The following OR5T1 variants were observed in gnomAD, a reference collection of about 807,000 sequenced individuals.
OR5T1 encodes olfactory receptor 5T1.
Under a neutral mutation model 10.1 loss-of-function variants are expected in OR5T1, and 14 were observed. The ratio of observed to expected loss-of-function variants is 1.39; its 90% CI spans 0.92 to 2.18. The LOEUF is 2.18. Ranked by LOEUF, OR5T1 falls within the 30% of genes most tolerant of loss-of-function variation. The probability of loss-of-function intolerance (pLI) is 0.00; values close to 1 mark genes in which losing one functional copy is unlikely to be tolerated. For synonymous variants in OR5T1, 166 were observed against 141.2 expected, an observed-to-expected ratio of 1.18 and a Z score of -1.24; for missense variants, 461 against 383.9, an observed-to-expected ratio of 1.20 and a Z score of -1.68.
At position 56,274,670 on chromosome 11, in the gene OR5T1, G is replaced by A. The variant is rs924563453; in HGVS notation, c.-237G>A. ...GTGAAACACAAAAGGAAAAATAAATGAAAAATGAACACCAAATTCTTTTGG... is the reference window on the plus strand; with the variant it reads ...GTGAAACACAAAAGGAAAAATAAATAAAAAATGAACACCAAATTCTTTTGG... On this transcript the variant is annotated 5_prime_UTR_variant, in exon 2 of 3. An upstream start codon of the reference 5' UTR is lost. Coordinates refer to ENST00000641665, the MANE Select transcript of OR5T1 (RefSeq NM_001004745.2). 6.6e-5 allele frequency: 10 copies of A among 151,188 alleles called. No individual in the cohort carries two copies. The highest frequency in any genetic ancestry group is 2.4e-4 in the African/African-American group (10 of 41,220). The allele number at this position is 151,188 out of a possible 1,614,324, so 9.4% of individuals were successfully genotyped here. A position where few individuals can be genotyped will look rare whatever the true frequency, so the allele number is the denominator to read the frequency against.
chr11:56,274,488 A>T (rs1299885070), intron 1 of OR5T1, 148 bp from the exon 2 acceptor site: 1 of 152,194 alleles, frequency 6.6e-6, no homozygotes, highest in Non-Finnish European at 1.5e-5. Context: ...TGTCACAAAA[A>T]TACACCCAAG....
Position 56,275,905 on chromosome 11 carries a change from C to T in OR5T1, c.267C>T (p.Val89=), listed in dbSNP as rs183679540. 43 of 1,614,142 alleles carry T rather than the reference C, an allele frequency of 2.7e-5. No homozygotes were observed. The highest frequency in any genetic ancestry group is 2.5e-4 in the Admixed American group (15 of 60,028). Residue 89 remains valine, a synonymous_variant, in exon 3 of 3, where the codon GTC becomes GTT. Transcript: ENST00000641665. ...TGGATGTCTGCTATTCTACAGTTGT[C>T]ACTCCAAAAATGTTGGTCAATTTCC... is the stretch of plus-strand genomic sequence containing the variant. ...SFLDVCYSTV[V]TPKMLVNFLA... is the part of the protein sequence containing the mutation.
intron 2 of OR5T1, among the ~76,000 whole-genome samples, chr11:56,275,211 C>T (rs7943801): frequency 1.3e-5 from 2 of 152,100 alleles, no homozygotes; most frequent in East Asian, 1.9e-4. Context: ...GTTTGCTGCA[C>T]GCATCAACCC....
chr11:56,275,636 A>G lies in OR5T1; in HGVS notation c.-3A>G. Reference sequence around the variant, plus strand: ...CATTTAGTACATATAAACAATAGCTAAAATGTCAGGGTTGCCTTCAGATAT... The same window carrying G: ...CATTTAGTACATATAAACAATAGCTGAAATGTCAGGGTTGCCTTCAGATAT... On this transcript the variant is annotated 5_prime_UTR_variant, in exon 3 of 3. Transcript: ENST00000641665. 6.4e-7 allele frequency: 1 copy of G among 1,554,232 alleles called. No individual in the cohort carries two copies. Among genetic ancestry groups the G allele is most frequent in the Non-Finnish European group, 8.7e-7 (1 of 1,155,428 alleles).
chr11:56,275,964 G>A lies in OR5T1; in HGVS notation c.326G>A (p.Cys109Tyr), dbSNP rs749730791. 3.1e-6 allele frequency: 5 copies of A among 1,614,150 alleles called. No homozygotes were observed. Among genetic ancestry groups the A allele is most frequent in the Middle Eastern group, 1.6e-4 (1 of 6,062 alleles). Residue 109 changes from cysteine to tyrosine, a missense_variant, in exon 3 of 3, where the codon TGT becomes TAT. Transcript: ENST00000641665. ...AKNKSISFLG[C>Y]ATQMFLACTF... ...AATAAATCTATTTCATTTCTTGGAT[G>A]TGCAACACAGATGTTTCTTGCTTGT...
At position 56,275,470 on chromosome 11, in the gene OR5T1, A is replaced by G; in HGVS notation, c.-153-16A>G. 1 of 490,816 alleles carries G rather than the reference A, an allele frequency of 2.0e-6. No homozygotes were observed. Among genetic ancestry groups the G allele is most frequent in the East Asian group, 3.2e-5 (1 of 31,580 alleles). 30.4% of individuals were successfully genotyped at this position (490,816 alleles called of 1,614,324 possible). A position where few individuals can be genotyped will look rare whatever the true frequency, so the allele number is the denominator to read the frequency against. The stretch of plus-strand genomic sequence containing the variant: ...ATGATTGAATAAAATAATTTATTTA[A>G]TTTATTTAATTACAGTAATGTATCC... On this transcript the variant is annotated splice_polypyrimidine_tract_variant and intron_variant, in intron 2 of 2. Coordinates refer to ENST00000641665, the MANE Select transcript of OR5T1 (RefSeq NM_001004745.2).
At position 56,275,606 on chromosome 11, in the gene OR5T1, T is replaced by A. The variant is rs779753084; in HGVS notation, c.-33T>A. ...TTGGATAAACTTAATTTTCACAGGC[T>A]GTTGCATTTAGTACATATAAACAAT... On this transcript the variant is annotated 5_prime_UTR_variant, in exon 3 of 3. Transcript: ENST00000641665. The A allele has an allele frequency of 6.7e-7, 1 of 1,494,396 alleles. No individual in the cohort carries two copies. Among genetic ancestry groups the A allele is most frequent in the Non-Finnish European group, 9.0e-7 (1 of 1,116,108 alleles). The allele number at this position is 1,494,396 out of a possible 1,614,324, so 92.6% of individuals were successfully genotyped here.
intron 2 of OR5T1, among the ~76,000 whole-genome samples, chr11:56,275,073 G>A (rs1040289636): frequency 1.3e-5 from 2 of 152,088 alleles, no homozygotes; most frequent in African/African-American, 4.8e-5. Context: ...AAGAATAGAT[G>A]GTAGTACATT....
At position 56,275,843 on chromosome 11, in the gene OR5T1, A is replaced by G. The variant is rs1461981127; in HGVS notation, c.205A>G (p.Ser69Gly). Reference sequence around the variant, plus strand: ...GATCATTGGGGATTTCTGGCTTCACAGCCCAATGTACTATTTTCTTGGTGT... The same window carrying G: ...GATCATTGGGGATTTCTGGCTTCACGGCCCAATGTACTATTTTCTTGGTGT... Reference protein sequence around the residue: ...VPIIGDFWLHSPMYYFLGVLS... With the variant: ...VPIIGDFWLHGPMYYFLGVLS... The change falls in exon 3 of 3, where the codon AGC becomes GGC. Residue 69 changes from serine (S) to glycine (G), a missense_variant. Coordinates refer to ENST00000641665, the MANE Select transcript of OR5T1 (RefSeq NM_001004745.2). 2 of 1,614,044 alleles carry G rather than the reference A, an allele frequency of 1.2e-6. No individual in the cohort carries two copies. Among genetic ancestry groups the G allele is most frequent in the African/African-American group, 1.3e-5 (1 of 75,046 alleles).
At position 56,275,726 on chromosome 11, in the gene OR5T1, A is replaced by G; in HGVS notation, c.88A>G (p.Thr30Ala). The G allele has an allele frequency of 6.2e-7, 1 of 1,610,268 alleles. No homozygotes were observed. Among genetic ancestry groups the G allele is most frequent in the Non-Finnish European group, 8.5e-7 (1 of 1,176,710 alleles). Residue 30 changes from threonine to alanine, a missense_variant, in exon 3 of 3, where the codon ACA becomes GCA. By Grantham distance (58) the Thr-to-Ala change is moderately conservative. Transcript: ENST00000641665. Reference protein sequence around the residue: ...EVTMFILISFTEEFDVQVFLF... With the variant: ...EVTMFILISFAEEFDVQVFLF... ...CACCATGTTTATATTAATAAGCTTCACAGAAGAATTTGATGTGCAAGTCTT... is the reference window on the plus strand; with the variant it reads ...CACCATGTTTATATTAATAAGCTTCGCAGAAGAATTTGATGTGCAAGTCTT...
rs539645989 is a variant in OR5T1, at chr11:56,275,591, T to C, written c.-48T>C. 2 of 1,460,738 alleles carry C rather than the reference T, an allele frequency of 1.4e-6. No individual in the cohort carries two copies. The highest frequency in any genetic ancestry group is 1.4e-5 in the South Asian group (1 of 71,118). 90.5% of individuals were successfully genotyped at this position (1,460,738 alleles called of 1,614,324 possible). On this transcript the variant is annotated 5_prime_UTR_variant, in exon 3 of 3. Coordinates refer to ENST00000641665, the MANE Select transcript of OR5T1 (RefSeq NM_001004745.2). ...AACATGAGGATATAATTGGATAAAC[T>C]TAATTTTCACAGGCTGTTGCATTTA...
At position 56,275,779 on chromosome 11, in the gene OR5T1, T is replaced by G. The variant is rs763049352; in HGVS notation, c.141T>G (p.Tyr47Ter). The G allele has an allele frequency of 1.2e-6, 2 of 1,613,022 alleles. No homozygotes were observed. The highest frequency in any genetic ancestry group is 2.2e-5 in the South Asian group (2 of 91,040). Residue 47 changes from tyrosine (Y) to a stop codon, truncating the protein, a stop_gained, in exon 3 of 3, where the codon TAT (tyrosine) becomes TAG (stop). Coordinates refer to ENST00000641665, the MANE Select transcript of OR5T1 (RefSeq NM_001004745.2). LOFTEE classifies it high-confidence loss of function. ...TATTTTTATTATTTTTAGCAATCTA[T>G]CTATTCACTCTAATAGGCAATTTAG... ...VFLFLLFLAI[Y>*]LFTLIGNLGL...
At position 56,276,684 on chromosome 11, in the gene OR5T1, T is replaced by A; in HGVS notation, c.*65T>A. 1 of 1,186,384 alleles carries A rather than the reference T, an allele frequency of 8.4e-7. No homozygotes were observed. The highest frequency in any genetic ancestry group is 1.5e-5 in the South Asian group (1 of 67,350). The allele number at this position is 1,186,384 out of a possible 1,614,324, so 73.5% of individuals were successfully genotyped here. A position where few individuals can be genotyped will look rare whatever the true frequency, so the allele number is the denominator to read the frequency against. On this transcript the variant is annotated 3_prime_UTR_variant, in exon 3 of 3. Transcript: ENST00000641665. The stretch of plus-strand genomic sequence containing the variant: ...AGTCCACATCTCTATGGTCAGAAAG[T>A]AGAGAAGAAAATGTGTTTCTTTTAG...
Position 56,276,155 on chromosome 11 carries a change from G to C in OR5T1, c.517G>C (p.Val173Leu). The change falls in exon 3 of 3, where the codon GTG (valine) becomes CTG (leucine). Residue 173 changes from valine (V) to leucine (L), a missense_variant. Coordinates refer to ENST00000641665, the MANE Select transcript of OR5T1 (RefSeq NM_001004745.2). Reference protein sequence around the residue: ...ASILHATIHTVATFSLSFCGS... With the variant: ...ASILHATIHTLATFSLSFCGS... Reference sequence around the variant, plus strand: ...CATTTTACATGCTACTATACATACAGTGGCTACATTTAGCCTGTCCTTCTG... The same window carrying C: ...CATTTTACATGCTACTATACATACACTGGCTACATTTAGCCTGTCCTTCTG... 10 of 1,613,982 alleles carry C rather than the reference G, an allele frequency of 6.2e-6. No individual in the cohort carries two copies. The highest frequency in any genetic ancestry group is 8.5e-6 in the Non-Finnish European group (10 of 1,179,892).
chr11:56,276,622 TTA>T lies in OR5T1; in HGVS notation c.*4_*5del. 2 of 1,594,114 alleles carry T rather than the reference TTA, an allele frequency of 1.3e-6. No homozygotes were observed. The highest frequency in any genetic ancestry group is 1.7e-6 in the Non-Finnish European group (2 of 1,168,514). ...ATTGGTTCATAAATAAGTTATAGTT[TTA>T]AAATTGAGTAAAGTTGCAAATAATA... On this transcript the variant is annotated 3_prime_UTR_variant, in exon 3 of 3. Coordinates refer to ENST00000641665, the MANE Select transcript of OR5T1 (RefSeq NM_001004745.2).
intron 2 of OR5T1, among the ~76,000 whole-genome samples, 174 bp from the exon 3 acceptor site, chr11:56,275,312 T>C (rs1853923138): frequency 6.6e-6 from 1 of 152,204 alleles, no homozygotes; most frequent in Admixed American, 6.5e-5. Flanking sequence ...CCCCTTCCTA[T>C]GTCCATGTGT....
intron 2 of OR5T1, among the ~76,000 whole-genome samples, 178 bp from the exon 3 acceptor site, chr11:56,275,308 C>T (rs1211158217): frequency 6.6e-6 from 1 of 152,170 alleles, no homozygotes. Flanking sequence ...TGTTCCCCTT[C>T]CTATGTCCAT....
chr11:56,276,486 A>G lies in OR5T1; in HGVS notation c.848A>G (p.Asp283Gly). 1.2e-6 allele frequency: 2 copies of G among 1,614,110 alleles called. No homozygotes were observed. The highest frequency in any genetic ancestry group is 1.7e-6 in the Non-Finnish European group (2 of 1,179,970). Residue 283 changes from aspartate to glycine, a missense_variant, in exon 3 of 3, where the codon GAC becomes GGC. Physicochemically the swap from Asp to Gly is moderately conservative, Grantham distance 94 (BLOSUM62 -1). Transcript: ENST00000641665. Reference protein sequence around the residue: ...RPSSSYTSDNDMIVSIFYTIV... With the variant: ...RPSSSYTSDNGMIVSIFYTIV... Reference sequence around the variant, plus strand: ...AGTTCCAGCTACACTTCGGACAATGACATGATAGTGTCAATATTTTATACC... The same window carrying G: ...AGTTCCAGCTACACTTCGGACAATGGCATGATAGTGTCAATATTTTATACC...
chr11:56,275,783 T>C lies in OR5T1; in HGVS notation c.145T>C (p.Phe49Leu). The C allele has an allele frequency of 6.2e-7, 1 of 1,613,088 alleles. No individual in the cohort carries two copies. Among genetic ancestry groups the C allele is most frequent in the South Asian group, 1.1e-5 (1 of 91,052 alleles). Residue 49 changes from phenylalanine to leucine, a missense_variant, in exon 3 of 3, where the codon TTC becomes CTC. Phe to Leu is a conservative substitution (Grantham distance 22). Transcript: ENST00000641665. ...TTTATTATTTTTAGCAATCTATCTA[T>C]TCACTCTAATAGGCAATTTAGGGCT... ...LFLLFLAIYL[F>L]TLIGNLGLVV... is the part of the protein sequence containing the mutation.
Sources: gnomAD v4.1 joint callset for allele counts (sites outside exome capture counted in the v4.1 genomes callset) on GRCh38, gnomAD v4.1.1 for gene constraint, MANE v1.5 for transcripts, NCBI Gene and HGNC (gene_info 2026-07-23, HGNC 2026-07-21) for gene names.